The following NCOA1 variants were observed in gnomAD, a reference collection of about 807,000 sequenced individuals.
NCOA1 encodes nuclear receptor coactivator 1.
In NCOA1, 35 loss-of-function variants were observed where a neutral mutation model predicts 150.9. That is an observed-to-expected ratio of 0.23 (90% CI 0.18 to 0.31). NCOA1 has a LOEUF of 0.31. Among genes scored for constraint, NCOA1 ranks in the 10% least tolerant of loss-of-function variants. NCOA1 has a pLI of 1.00. For missense variants in NCOA1, 1,491 were observed against 1,749.3 expected (o/e 0.85, Z 2.63); for synonymous variants, 590 against 630.0 (o/e 0.94, Z 0.95).
chr2:24,523,627 AAAAG>A (rs1278251307), intron 1 of NCOA1, among the ~76,000 whole-genome samples: 3 of 129,586 alleles, frequency 2.3e-5, no homozygotes, highest in Non-Finnish European at 3.3e-5. Context: ...AAAAAAAAAA[AAAAG>A]AAACTGGGCT....
intron 18 of NCOA1, among the ~76,000 whole-genome samples, chr2:24,740,360 G>C (rs1034792933): frequency 1.3e-5 from 2 of 152,140 alleles, no homozygotes; most frequent in African/African-American, 4.8e-5. Context: ...AAACCTACAT[G>C]GTATAGCCTA....
At chr2:24,622,745 C>A (rs942884500) in intron 3 of NCOA1, among the ~76,000 whole-genome samples, 8 of 151,940 alleles carry the variant, frequency 5.3e-5, no homozygotes, top group African/African-American at 1.9e-4. Context: ...TTTTTATTGC[C>A]CATATGCAGA....
In NCOA1 at chr2:24,507,595, T is replaced by G. The variant is rs539845054; in HGVS notation, c.-396+15993T>G. On this transcript the variant is annotated intron_variant, in intron 1 of 22. Coordinates refer to ENST00000348332, the MANE Select transcript of NCOA1 (RefSeq NM_003743.5). ...ATCATTTCTTTGTGTTGGAAACATT[T>G]CAGATCTATTGTTTTTTATCATCTT... Among the ~76,000 whole-genome samples, 7 of 152,220 alleles carry G rather than the reference T, an allele frequency of 4.6e-5. No individual in the cohort carries two copies. In the South Asian group the frequency reaches 8.3e-4, roughly 18 times the overall value.
intron 3 of NCOA1, among the ~76,000 whole-genome samples, chr2:24,585,905 ATTAAC>A (rs1451524666): frequency 6.6e-6 from 1 of 152,208 alleles, no homozygotes; most frequent in Non-Finnish European, 1.5e-5. Flanking sequence ...ATTTTTCCAA[ATTAAC>A]TTGAGAATAT....
In NCOA1 at chr2:24,687,962, G is replaced by A. The variant is rs551741769; in HGVS notation, c.533-3519G>A. On this transcript the variant is annotated intron_variant, in intron 8 of 22. Transcript: ENST00000348332. Reference sequence around the variant, plus strand: ...GTTCTTCCCCTCTTTGTGTCTATGAGTTCTCATCATTTAGCTCACACTCAT... The same window carrying A: ...GTTCTTCCCCTCTTTGTGTCTATGAATTCTCATCATTTAGCTCACACTCAT... Among the ~76,000 whole-genome samples, 21 of 152,236 alleles carry A rather than the reference G, an allele frequency of 1.4e-4. No individual in the cohort carries two copies. In the South Asian group the frequency reaches 4.4e-3, roughly 32 times the overall value.
intron 3 of NCOA1, among the ~76,000 whole-genome samples, chr2:24,642,005 G>GGTGT (rs1199081970): frequency 1.4e-4 from 9 of 65,702 alleles, no homozygotes; most frequent in African/African-American, 4.2e-4. Flanking sequence ...GATTACAGAG[G>GGTGT]GCGTGTGTGT....
intron 3 of NCOA1, among the ~76,000 whole-genome samples, chr2:24,609,618 G>A (rs772217507): frequency 1.3e-5 from 2 of 152,008 alleles, no homozygotes; most frequent in African/African-American, 2.4e-5. Context: ...GTAACATAGC[G>A]AGACCTCATC....
chr2:24,642,864 T>C (rs765475838), intron 3 of NCOA1, among the ~76,000 whole-genome samples: 1 of 152,166 alleles, frequency 6.6e-6, no homozygotes, highest in African/African-American at 2.4e-5. Context: ...AAAAGCCAAC[T>C]TGAAAAGATT....
chr2:24,733,651 G>A (rs1368246961), intron 17 of NCOA1, among the ~76,000 whole-genome samples: 1 of 152,200 alleles, frequency 6.6e-6, no homozygotes, highest in African/African-American at 2.4e-5. Flanking sequence ...GGCTGAGGCA[G>A]GAGAATTGCT....
intron 11 of NCOA1, among the ~76,000 whole-genome samples, chr2:24,700,594 TA>T (rs939389968): frequency 5.9e-5 from 9 of 152,210 alleles, no homozygotes; most frequent in African/African-American, 2.2e-4. Context: ...GCCACGGTTT[TA>T]CATTGAGATT....
At chr2:24,555,061 GAA>G (rs1666018743) in intron 1 of NCOA1, among the ~76,000 whole-genome samples, 1 of 152,084 alleles carries the variant, frequency 6.6e-6, no homozygotes, top group Non-Finnish European at 1.5e-5. Context: ...ATAGGCAAGA[GAA>G]AGAGAAAGAA....
Position 24,752,015 on chromosome 2 carries a change from C to T in NCOA1, c.3740C>T (p.Pro1247Leu), listed in dbSNP as rs779822710. The part of the protein sequence containing the change: ...MVPQGEANFA[P>L]SLSPGSSMVP... ...CCCCAAGGTGAGGCCAACTTTGCTC[C>T]ATCTCTAAGCCCTGGGAGCTCCATG... Residue 1247 changes from proline to leucine, a missense_variant, in exon 20 of 23, where the codon CCA (proline) becomes CTA (leucine). By Grantham distance (98) the Pro-to-Leu change is moderately conservative. This residue lies in a region of NCOA1 where 485 missense variants were observed against 522.8 expected (regional missense o/e 0.93). Coordinates refer to ENST00000348332, the MANE Select transcript of NCOA1 (RefSeq NM_003743.5). 6.2e-7 allele frequency: 1 copy of T among 1,613,214 alleles called. No homozygotes were observed. Among genetic ancestry groups the T allele is most frequent in the South Asian group, 1.1e-5 (1 of 90,934 alleles).
rs1174091938 is a variant in NCOA1, at chr2:24,639,912, GTGTGTATATATATATATATA to G, written c.-174-4052_-174-4033del. Among the ~76,000 whole-genome samples the G allele has an allele frequency of 4.5e-3, 430 of 95,950 alleles. 39 individuals are homozygous for G. The East Asian group carries it at 0.045, about 10-fold the overall frequency. The allele number at this position is 95,950 out of a possible 152,430, so 62.9% of individuals were successfully genotyped here. A position where few individuals can be genotyped will look rare whatever the true frequency, so the allele number is the denominator to read the frequency against. On this transcript the variant is annotated intron_variant, in intron 3 of 22. Transcript: ENST00000348332. ...CAAAAAAAAAAAAAAAAGTATGTGTGTGTGTATATATATATATATATATATATATATATATATATATATAT... is the reference window on the plus strand; with the variant it reads ...CAAAAAAAAAAAAAAAAGTATGTGTGTATATATATATATATATATATATAT...
At chr2:24,585,581 A>C (rs1274735572) in intron 3 of NCOA1, among the ~76,000 whole-genome samples, 1 of 152,018 alleles carries the variant, frequency 6.6e-6, no homozygotes, top group African/African-American at 2.4e-5. Context: ...CTTTTGTCAT[A>C]TGTTTATTGG....
chr2:24,518,763 A>G (rs1259836489), intron 1 of NCOA1, among the ~76,000 whole-genome samples: 1 of 152,202 alleles, frequency 6.6e-6, no homozygotes, highest in African/African-American at 2.4e-5. Flanking sequence ...AGATAAATCT[A>G]AAAAAAGATG....
intron 3 of NCOA1, among the ~76,000 whole-genome samples, chr2:24,594,014 G>A (rs1453139195): frequency 2.6e-5 from 4 of 151,978 alleles, no homozygotes; most frequent in Non-Finnish European, 5.9e-5. Flanking sequence ...AGATTACTGT[G>A]GACTAAGATC....
chr2:24,582,746 A>G (rs908389181), intron 2 of NCOA1, among the ~76,000 whole-genome samples: 8 of 152,234 alleles, frequency 5.3e-5, no homozygotes, highest in African/African-American at 1.9e-4. Context: ...ATGCACTGGC[A>G]TAAAAACAGA....
At chr2:24,651,488 G>A (rs1670710522) in intron 4 of NCOA1, among the ~76,000 whole-genome samples, 3 of 151,994 alleles carry the variant, frequency 2.0e-5, no homozygotes, top group Admixed American at 6.6e-5. Flanking sequence ...TTTACATGAG[G>A]CATCTTTAAA....
intron 17 of NCOA1, among the ~76,000 whole-genome samples, chr2:24,736,318 G>A (rs1663301493): frequency 6.6e-6 from 1 of 151,884 alleles, no homozygotes; most frequent in East Asian, 1.9e-4. Context: ...TCCCCAGCAA[G>A]GATCATGATC....
Sources: gnomAD v4.1 joint callset for allele counts (sites outside exome capture counted in the v4.1 genomes callset) on GRCh38, gnomAD v4.1.1 for gene constraint, gnomAD v4.1.1 regional missense constraint, MANE v1.5 for transcripts, NCBI Gene and HGNC (gene_info 2026-07-23, HGNC 2026-07-21) for gene names.